ATG9B: variants seen among roughly 807,000 people sequenced by gnomAD.
The protein encoded by ATG9B is autophagy related 9B.
A neutral mutation model predicts 92.9 loss-of-function variants in ATG9B; 92 were observed. The ratio of observed to expected loss-of-function variants is 0.99; its 90% CI spans 0.84 to 1.18. ATG9B has a LOEUF of 1.18. Among genes scored for constraint, ATG9B ranks in the 50% most tolerant of loss-of-function variants. The probability of loss-of-function intolerance (pLI) is 0.00; values close to 1 mark genes in which losing one functional copy is unlikely to be tolerated. For synonymous variants in ATG9B, 599 were observed against 551.4 expected (o/e 1.09, Z -1.21); for missense variants, 1,344 against 1,235.0 (o/e 1.09, Z -1.32).
rs773678023 is a variant in ATG9B, at chr7:151,018,393, C to T, written c.1773G>A (p.Gln591=). 1.9e-6 allele frequency: 3 copies of T among 1,575,546 alleles called. No individual in the cohort carries two copies. In the South Asian group the frequency reaches 3.5e-5, roughly 18 times the overall value. ...GGTAGTGCATGTGGGCCAGGGCTGT[C>T]TGCAGCAGGAGCTGCGGCGCACGAC... is the stretch of plus-strand genomic sequence containing the variant. ...CQGRAPQLLL[Q]TALAHMHYLP... The change falls in exon 7 of 14, where the codon CAG becomes CAA. Residue 591 remains glutamine (Q), a synonymous_variant. Transcript: ENST00000639579. The surrounding 1 kb of genome is among the most constrained non-coding windows in gnomAD (Gnocchi z 4.7).
chr7:151,017,341 C>T, intron 8 of ATG9B, 69 bp from the exon 9 acceptor site: 4 of 1,398,102 alleles, frequency 2.9e-6, no homozygotes, highest in Non-Finnish European at 3.9e-6. Flanking sequence ...GGACAGGAAA[C>T]ACTGCCCCAT....
downstream of ATG9B, chr7:151,012,738 G>A (rs541583894): frequency 2.5e-6 from 1 of 403,782 alleles, no homozygotes; most frequent in Non-Finnish European, 4.5e-6. Context: ...TTAGGGCTAA[G>A]ACTCAAAGAA....
Position 151,017,125 on chromosome 7 carries a change from G to A in ATG9B, c.2200C>T (p.Arg734Ter), listed in dbSNP as rs150012847. The change falls in exon 9 of 14, where the codon CGA (arginine) becomes TGA (stop). Residue 734 changes from arginine to a stop codon, truncating the protein, a stop_gained. Coordinates refer to ENST00000639579, the MANE Select transcript of ATG9B (RefSeq NM_001317056.2). LOFTEE classifies it high-confidence loss of function. ...CAGGCAGCTGCATCTTGTTGTACTC[G>A]GCCCCAGAGGTGCCCAAGAAACTTA... ...SSKFLGHLWG[R>*]VQQDAAAWGA... 182 of 1,612,618 alleles carry A rather than the reference G, an allele frequency of 1.1e-4. No homozygotes were observed. In the East Asian group the frequency reaches 2.5e-3, roughly 22 times the overall value.
At chr7:151,013,991 G>C, downstream of ATG9B, 3 of 1,611,038 alleles carry the variant, frequency 1.9e-6, no homozygotes, top group Non-Finnish European at 1.7e-6. Context: ...CTGATCCACT[G>C]TGCTCTTTTC....
rs1795448787 is a variant in ATG9B, at chr7:151,015,689, C to T, written c.*39G>A. Reference sequence around the variant, plus strand: ...GTTTTTCTACTCCACCCTCCAATCTCCTGTGGCTGCCGAAGCCAGGGTACC... The same window carrying T: ...GTTTTTCTACTCCACCCTCCAATCTTCTGTGGCTGCCGAAGCCAGGGTACC... On this transcript the variant is annotated 3_prime_UTR_variant, in exon 14 of 14. Transcript: ENST00000639579. 1 of 673,290 alleles carries T rather than the reference C, an allele frequency of 1.5e-6. No homozygotes were observed. The highest frequency in any genetic ancestry group is 2.3e-6 in the Non-Finnish European group (1 of 440,088). The allele number at this position is 673,290 out of a possible 1,614,324, so 41.7% of individuals were successfully genotyped here. A position where few individuals can be genotyped will look rare whatever the true frequency, so the allele number is the denominator to read the frequency against.
chr7:151,013,104 A>C (rs1294410575), downstream of ATG9B: 5 of 995,066 alleles, frequency 5.0e-6, no homozygotes, highest in Non-Finnish European at 7.5e-6. Flanking sequence ...GAGATGAAAC[A>C]GCCAAAGTAA....
At chr7:151,014,139 C>A (rs1287925360), downstream of ATG9B, 1 of 1,610,904 alleles carries the variant, frequency 6.2e-7, no homozygotes, top group Non-Finnish European at 8.5e-7. Flanking sequence ...GGGCGTTCGA[C>A]CCTCCCGGCT....
downstream of ATG9B, chr7:151,014,301 C>A: frequency 2.1e-6 from 2 of 960,566 alleles, no homozygotes; most frequent in Non-Finnish European, 3.0e-6. Flanking sequence ...TGCAAGGATT[C>A]AGCATTATTC....
downstream of ATG9B, chr7:151,014,101 G>A (rs149818096): frequency 1.1e-5 from 17 of 1,613,726 alleles, no homozygotes; most frequent in African/African-American, 2.0e-4. Context: ...TTCCTTGCAG[G>A]AGCGTCAGTT....
chr7:151,023,231 G>A (rs367832984), intron 3 of ATG9B, 25 bp from the exon 4 acceptor site: 52 of 1,613,750 alleles, frequency 3.2e-5, no homozygotes, highest in African/African-American at 3.2e-4. Flanking sequence ...GGGGGGTGCC[G>A]GGATGCTGCA....
rs773000759 is a variant in ATG9B, at chr7:151,023,526, G to C, written c.595-17C>G. ...GCTGTAGATGTGGCTGCGTGTCAAG[G>C]AACAAGCCTGAGGCACGGGGGGCCT... On this transcript the variant is annotated splice_polypyrimidine_tract_variant and intron_variant, in intron 2 of 13. Transcript: ENST00000639579. The C allele has an allele frequency of 5.0e-6, 8 of 1,612,662 alleles. No homozygotes were observed. Among genetic ancestry groups the C allele is most frequent in the Non-Finnish European group, 5.9e-6 (7 of 1,179,470 alleles).
rs538113764 is a variant in ATG9B at position 151,016,549 on chromosome 7, G to A, written c.2424-22C>T. ...AGAGCTGGAACATAACATGAAGCAG[G>A]TCAAAAGTCATGCCCTCCTCCCGCC... On this transcript the variant is annotated intron_variant, in intron 10 of 13. Transcript: ENST00000639579. The A allele has an allele frequency of 1.2e-5, 19 of 1,547,070 alleles. No homozygotes were observed. The East Asian group carries it at 2.4e-4, about 20-fold the overall frequency.
At chr7:151,016,608 TCAGCGCCC>T in intron 10 of ATG9B, 72 bp downstream of exon 10, 1 of 1,536,440 alleles carries the variant, frequency 6.5e-7, no homozygotes, top group Non-Finnish European at 8.8e-7. Context: ...GAATCCCCCC[TCAGCGCCC>T]CAGCTCCCCA....
chr7:151,020,954 A>T (rs1795723052), intron 5 of ATG9B: 4 of 464,510 alleles, frequency 8.6e-6, no homozygotes, highest in Non-Finnish European at 1.5e-5. Context: ...ACTATATGTC[A>T]TCTTATATGA....
At chr7:151,013,739 A>C (rs779614677), downstream of ATG9B, 15 of 1,608,608 alleles carry the variant, frequency 9.3e-6, no homozygotes, top group East Asian at 3.4e-4. Flanking sequence ...CGTGCAGGAC[A>C]TCCTGAGGAC....
chr7:151,023,693 G>A lies in ATG9B; in HGVS notation c.588C>T (p.Phe196=), dbSNP rs1231709756. The A allele has an allele frequency of 6.2e-7, 1 of 1,613,952 alleles. No individual in the cohort carries two copies. The highest frequency in any genetic ancestry group is 1.3e-5 in the African/African-American group (1 of 74,936). Residue 196 remains phenylalanine, a synonymous_variant, in exon 2 of 14, where the codon TTC becomes TTT. Coordinates refer to ENST00000639579, the MANE Select transcript of ATG9B (RefSeq NM_001317056.2). The part of the protein sequence containing the change: ...WHHIQNLDSF[F]TKIYSYHQRN... ...GGCCTAGCGCAAAGGATATCTTGGT[G>A]AAGAAACTGTCCAGGTTCTGGATGT... is the stretch of plus-strand genomic sequence containing the variant.
At chr7:151,016,278 G>A (rs954364255) in intron 11 of ATG9B, 43 bp from the exon 12 acceptor site, 20 of 1,475,782 alleles carry the variant, frequency 1.4e-5, no homozygotes, top group Non-Finnish European at 1.8e-5. Flanking sequence ...CCCCAAGGAG[G>A]GCAGGGCCAA....
chr7:151,015,775 T>G, intron 13 of ATG9B, 62 bp from the exon 14 acceptor site: 1 of 1,396,090 alleles, frequency 7.2e-7, no homozygotes, highest in Non-Finnish European at 9.5e-7. Flanking sequence ...GATGACCACC[T>G]CCCATCACCC....
In ATG9B at chr7:151,018,730, A is replaced by C. The variant is rs1835428; in HGVS notation, c.1608T>G (p.Gly536=). 6.3e-7 allele frequency: 1 copy of C among 1,583,720 alleles called. No individual in the cohort carries two copies. Residue 536 remains glycine, a synonymous_variant, in exon 6 of 14, where the codon GGT becomes GGG. Transcript: ENST00000639579. This position sits in a 1 kb window ranked among gnomAD's most constrained non-coding sequence, Gnocchi z 4.7. ...GCACAAGCAGCGCGGCGAAGAGTGC[A>C]CCCGCGAAGAAAACGAGCTGGCGGG... ...LLARQLVFFA[G]ALFAALLVLT...
Sources: allele counts gnomAD v4.1 joint callset, GRCh38; gene constraint gnomAD v4.1.1; non-coding constraint Gnocchi (gnomAD v3.1); transcripts MANE v1.5; gene names NCBI Gene and HGNC (gene_info 2026-07-23, HGNC 2026-07-21).